The following TNRC6B variants were observed in gnomAD, a reference collection of about 807,000 sequenced individuals.
TNRC6B encodes trinucleotide repeat-containing gene 6B protein.
Under a neutral mutation model 203.6 loss-of-function variants are expected in TNRC6B, and 52 were observed. That is an observed-to-expected ratio of 0.26 (90% confidence interval 0.20 to 0.32). TNRC6B has a LOEUF of 0.32. TNRC6B is among the 10% of genes least tolerant of loss of function. The pLI, the probability that TNRC6B is intolerant of heterozygous loss-of-function variation, is 1.00. For synonymous variants in TNRC6B, 838 were observed against 845.7 expected, an observed-to-expected ratio of 0.99 and a Z score of 0.16; for missense variants, 1,923 against 2,286.2, an observed-to-expected ratio of 0.84 and a Z score of 3.24.
At chr22:40,211,474 A>G (rs537007116) in intron 1 of TNRC6B, among the ~76,000 whole-genome samples, 2 of 152,100 alleles carry the variant, frequency 1.3e-5, no homozygotes, top group South Asian at 2.1e-4. Context: ...CACCACCTGT[A>G]TTGAGTAGCT....
Position 40,265,748 on chromosome 22 carries a change from C to G in TNRC6B, c.1518C>G (p.Val506=). 2 of 1,613,982 alleles carry G rather than the reference C, an allele frequency of 1.2e-6. No homozygotes were observed. The highest frequency in any genetic ancestry group is 1.7e-6 in the Non-Finnish European group (2 of 1,179,884). ...AAGGGAACAAAATGACATCTGGGGT[C>G]TCTCAGGGAGAATGGAAACAGCCGA... is the stretch of plus-strand genomic sequence containing the variant. ...WGEGNKMTSG[V]SQGEWKQPTG... is the part of the protein sequence containing the mutation. The change falls in exon 5 of 23, where the codon GTC becomes GTG. Residue 506 remains valine (V), a synonymous_variant. Transcript: ENST00000454349.
At chr22:40,118,943 G>C (rs1469520411) in intron 2 of TNRC6B, among the ~76,000 whole-genome samples, 2 of 152,164 alleles carry the variant, frequency 1.3e-5, no homozygotes, top group African/African-American at 2.4e-5. Flanking sequence ...CAGAGGGAGT[G>C]ATAGCAACAA....
chr22:40,152,358 T>C (rs1233494861), intron 3 of TNRC6B, among the ~76,000 whole-genome samples: 2 of 152,178 alleles, frequency 1.3e-5, no homozygotes, highest in Non-Finnish European at 2.9e-5. Context: ...GATGGAGTCT[T>C]GCTCTGTTGC....
At chr22:40,182,925 T>C (rs1047564428) in intron 1 of TNRC6B, among the ~76,000 whole-genome samples, 12 of 152,206 alleles carry the variant, frequency 7.9e-5, no homozygotes, top group Non-Finnish European at 1.3e-4. Flanking sequence ...TTTTATCACA[T>C]CCTTCAATTT....
At chr22:40,186,322 C>G (rs1436211199) in intron 1 of TNRC6B, among the ~76,000 whole-genome samples, 1 of 152,028 alleles carries the variant, frequency 6.6e-6, no homozygotes, top group African/African-American at 2.4e-5. Context: ...GGCAACATTC[C>G]CGAACCTGGT....
chr22:40,320,627 T>C (rs2071322777), intron 21 of TNRC6B, among the ~76,000 whole-genome samples: 2 of 152,230 alleles, frequency 1.3e-5, no homozygotes, highest in Non-Finnish European at 2.9e-5. Context: ...GGGTACAGCC[T>C]TTGGTCAAAA....
At chr22:40,239,521 T>C (rs1392323562) in intron 1 of TNRC6B, among the ~76,000 whole-genome samples, 1 of 152,158 alleles carries the variant, frequency 6.6e-6, no homozygotes, top group African/African-American at 2.4e-5. Flanking sequence ...CAAGTGGATA[T>C]TGAGCTAGGA....
chr22:40,166,673 G>A (rs949388617), intron 4 of TNRC6B, among the ~76,000 whole-genome samples: 2 of 152,114 alleles, frequency 1.3e-5, no homozygotes, highest in Non-Finnish European at 2.9e-5. Flanking sequence ...AAAGTGGGCA[G>A]ATCACGAGGT....
chr22:40,074,410 C>G (rs2146283286), intron 1 of TNRC6B, among the ~76,000 whole-genome samples: 1 of 151,996 alleles, frequency 6.6e-6, no homozygotes, highest in East Asian at 1.9e-4. Context: ...TTTCGGGAGG[C>G]TGAGGTAGGA....
chr22:40,265,494 G>A lies in TNRC6B; in HGVS notation c.1264G>A (p.Val422Ile), dbSNP rs760293892. The A allele has an allele frequency of 6.2e-7, 1 of 1,613,970 alleles. No homozygotes were observed. The highest frequency in any genetic ancestry group is 2.2e-5 in the East Asian group (1 of 44,878). The stretch of plus-strand genomic sequence containing the variant: ...CACTGGAGATCGAAAGACTGGGAGT[G>A]TTGGATCTTGGGGTGCAGCTAGGGG... ...QSTGDRKTGSVGSWGAARGPS... is the reference protein window; with the variant it reads ...QSTGDRKTGSIGSWGAARGPS... The change falls in exon 5 of 23, where the codon GTT (valine) becomes ATT (isoleucine). Residue 422 changes from valine (V) to isoleucine (I), a missense_variant. Physicochemically the swap from Val to Ile is conservative, Grantham distance 29 (BLOSUM62 3). Coordinates refer to ENST00000454349, the MANE Select transcript of TNRC6B (RefSeq NM_001162501.2).
At chr22:40,111,321 G>A (rs1383478271) in intron 1 of TNRC6B, among the ~76,000 whole-genome samples, 3 of 152,184 alleles carry the variant, frequency 2.0e-5, no homozygotes, top group Non-Finnish European at 4.4e-5. Flanking sequence ...AGGCCTCGCC[G>A]ACCGCAGTGG....
At chr22:40,193,614 T>C (rs944098730) in intron 1 of TNRC6B, among the ~76,000 whole-genome samples, 2 of 152,024 alleles carry the variant, frequency 1.3e-5, no homozygotes, top group African/African-American at 4.8e-5. Flanking sequence ...GAAGAGAGGA[T>C]GTCCTGGGGA....
chr22:40,063,725 C>G (rs182769316), intron 1 of TNRC6B, among the ~76,000 whole-genome samples: 1 of 150,780 alleles, frequency 6.6e-6, no homozygotes, highest in Non-Finnish European at 1.5e-5. Flanking sequence ...GTTTTTGAGA[C>G]AGGGTCTCAC....
intron 1 of TNRC6B, among the ~76,000 whole-genome samples, chr22:40,181,271 G>C (rs2069125561): frequency 6.6e-6 from 1 of 152,142 alleles, no homozygotes; most frequent in Non-Finnish European, 1.5e-5. Context: ...GCGATGATGA[G>C]ACCTTCAGGT....
intron 1 of TNRC6B, among the ~76,000 whole-genome samples, chr22:40,229,160 G>A (rs1319824810): frequency 6.6e-6 from 1 of 152,180 alleles, no homozygotes; most frequent in Non-Finnish European, 1.5e-5. Flanking sequence ...GCACTCCGGA[G>A]AATTAAAACA....
intron 3 of TNRC6B, among the ~76,000 whole-genome samples, chr22:40,260,109 A>T (rs940714128): frequency 3.3e-5 from 5 of 152,218 alleles, no homozygotes; most frequent in African/African-American, 1.2e-4. Context: ...GGCCATTTTT[A>T]AAATTAAGTT....
intron 1 of TNRC6B, among the ~76,000 whole-genome samples, chr22:40,089,535 A>C (rs925409555): frequency 6.6e-6 from 1 of 152,072 alleles, no homozygotes; most frequent in South Asian, 2.1e-4. Context: ...GCCCAGCGTT[A>C]AGACTTTTTT....
chr22:40,223,061 A>T (rs1356856770), intron 1 of TNRC6B, among the ~76,000 whole-genome samples: 2 of 151,178 alleles, frequency 1.3e-5, no homozygotes, highest in East Asian at 3.9e-4. Context: ...TTATATTTTT[A>T]AAAATTGAAT....
At chr22:40,189,098 C>G (rs1364599852) in intron 1 of TNRC6B, among the ~76,000 whole-genome samples, 1 of 152,082 alleles carries the variant, frequency 6.6e-6, no homozygotes, top group African/African-American at 2.4e-5. Flanking sequence ...TTTAAAAAAA[C>G]GTTAATTTGT....
Sources: allele counts gnomAD v4.1 joint callset (sites outside exome capture counted in the v4.1 genomes callset), GRCh38; gene constraint gnomAD v4.1.1; transcripts MANE v1.5; gene names NCBI Gene and HGNC (gene_info 2026-07-23, HGNC 2026-07-21).